DTNB: variants seen among roughly 807,000 people sequenced by gnomAD.
DTNB encodes DTN-B.
Under a neutral mutation model 90.7 loss-of-function variants are expected in DTNB, and 63 were observed. That is an observed-to-expected ratio of 0.69 (90% CI 0.57 to 0.86). The LOEUF (loss-of-function observed/expected upper bound fraction) is 0.86. Among genes scored for constraint, DTNB ranks in the 40% least tolerant of loss-of-function variants. The pLI, the probability that DTNB is intolerant of heterozygous loss-of-function variation, is 0.00. For missense variants in DTNB, 744 were observed against 807.1 expected (o/e 0.92, Z 0.95); for synonymous variants, 277 against 286.7 (o/e 0.97, Z 0.34).
intron 7 of DTNB, among the ~76,000 whole-genome samples, chr2:25,579,527 T>C (rs189343864): frequency 3.3e-5 from 5 of 152,218 alleles, no homozygotes; most frequent in African/African-American, 7.2e-5. Context: ...AGAAACACAA[T>C]GGCCTTCCCC....
chr2:25,433,982 G>A lies in DTNB; in HGVS notation c.1271C>T (p.Thr424Ile). The change falls in exon 13 of 21, where the codon ACT (threonine) becomes ATT (isoleucine). Residue 424 changes from threonine to isoleucine, a missense_variant. Thr to Ile is a moderately conservative substitution (Grantham distance 89). Coordinates refer to ENST00000406818, the MANE Select transcript of DTNB (RefSeq NM_021907.5). ...GGCATCAAAGTTAAAGCTCAAGTCAGTGGGAGGACGAGTCTAAAGTGGGGA... is the reference window on the plus strand; with the variant it reads ...GGCATCAAAGTTAAAGCTCAAGTCAATGGGAGGACGAGTCTAAAGTGGGGA... Reference protein sequence around the residue: ...AEAGNVTRPPTDLSFNFDANK... With the variant: ...AEAGNVTRPPIDLSFNFDANK... 1 of 1,613,322 alleles carries A rather than the reference G, an allele frequency of 6.2e-7. No individual in the cohort carries two copies.
At chr2:25,563,723 T>C (rs1201021080) in intron 8 of DTNB, among the ~76,000 whole-genome samples, 1 of 152,198 alleles carries the variant, frequency 6.6e-6, no homozygotes, top group Admixed American at 6.5e-5. Flanking sequence ...CTTTCCTCCA[T>C]TGGATGGTCA....
At chr2:25,637,807 C>G (rs1273799460) in intron 3 of DTNB, among the ~76,000 whole-genome samples, 1 of 152,162 alleles carries the variant, frequency 6.6e-6, no homozygotes, top group African/African-American at 2.4e-5. Flanking sequence ...GTGGCGATTC[C>G]TCAAGGATCT....
rs758271387 is a variant in DTNB at position 25,609,656 on chromosome 2, G to GTA, written c.363-2337_363-2336dup. Among the ~76,000 whole-genome samples the GTA allele has an allele frequency of 7.7e-3, 282 of 36,770 alleles. 5 individuals carry two copies. The highest frequency in any genetic ancestry group is 0.016 in the Middle Eastern group (1 of 64). 24.1% of individuals were successfully genotyped at this position (36,770 alleles called of 152,430 possible). A position where few individuals can be genotyped will look rare whatever the true frequency, so the allele number is the denominator to read the frequency against. ...TGCATAAACATTTCCATAATAGAATGTACACACACACACACACACACACAC... is the reference window on the plus strand; with the variant it reads ...TGCATAAACATTTCCATAATAGAATGTATACACACACACACACACACACACAC... On this transcript the variant is annotated intron_variant, in intron 4 of 20. Transcript: ENST00000406818.
chr2:25,437,075 A>G (rs1480783380), intron 12 of DTNB, among the ~76,000 whole-genome samples: 1 of 152,134 alleles, frequency 6.6e-6, no homozygotes, highest in Non-Finnish European at 1.5e-5. Context: ...AAGCACTGTA[A>G]TGCAAATATA....
At chr2:25,593,349 T>C (rs543128666) in intron 6 of DTNB, among the ~76,000 whole-genome samples, 1 of 152,294 alleles carries the variant, frequency 6.6e-6, no homozygotes, top group Non-Finnish European at 1.5e-5. Context: ...AGGAAACACA[T>C]ACTGAAGCAA....
chr2:25,396,731 T>TA (rs35592591), intron 16 of DTNB, among the ~76,000 whole-genome samples: 24,080 of 87,566 alleles, frequency 0.27, 3,383 homozygotes, highest in East Asian at 0.59. Context: ...TAAAAGGAAC[T>TA]AAAAAAAAAA....
chr2:25,573,228 G>A (rs2060150420), intron 8 of DTNB, among the ~76,000 whole-genome samples: 1 of 151,978 alleles, frequency 6.6e-6, no homozygotes, highest in Non-Finnish European at 1.5e-5. Context: ...TTACAGGAGT[G>A]AGCCACCATG....
intron 12 of DTNB, among the ~76,000 whole-genome samples, chr2:25,436,398 TATTG>T (rs1042027266): frequency 3.3e-5 from 5 of 152,112 alleles, no homozygotes; most frequent in African/African-American, 9.7e-5. Context: ...GGCTCCCTTT[TATTG>T]ATTAACCAGA....
At chr2:25,491,061 AG>A (rs1460944540) in intron 9 of DTNB, among the ~76,000 whole-genome samples, 2 of 152,024 alleles carry the variant, frequency 1.3e-5, no homozygotes, top group African/African-American at 4.8e-5. Flanking sequence ...AAAAAAAAAA[AG>A]AATCAAATTT....
At chr2:25,629,659 C>T (rs925353745) in intron 3 of DTNB, among the ~76,000 whole-genome samples, 1 of 152,092 alleles carries the variant, frequency 6.6e-6, no homozygotes, top group African/African-American at 2.4e-5. Flanking sequence ...CTTGGAAAAC[C>T]ATATGATCAA....
At chr2:25,572,881 T>C (rs1482980649) in intron 8 of DTNB, among the ~76,000 whole-genome samples, 2 of 152,180 alleles carry the variant, frequency 1.3e-5, no homozygotes, top group Non-Finnish European at 2.9e-5. Flanking sequence ...AGAAGCCACC[T>C]GGAGGCCATA....
intron 8 of DTNB, among the ~76,000 whole-genome samples, chr2:25,575,885 A>G (rs1218633895): frequency 6.6e-6 from 1 of 152,082 alleles, no homozygotes; most frequent in East Asian, 1.9e-4. Flanking sequence ...AGGACTCTGG[A>G]AATAAACTGA....
In DTNB at chr2:25,387,466, C is replaced by T. The variant is rs1179483423; in HGVS notation, c.1736-88G>A. 39 of 1,277,768 alleles carry T rather than the reference C, an allele frequency of 3.1e-5. No individual in the cohort carries two copies. Among genetic ancestry groups the T allele is most frequent in the Admixed American group, 7.6e-5 (4 of 52,342 alleles). 79.2% of individuals were successfully genotyped at this position (1,277,768 alleles called of 1,614,324 possible). On this transcript the variant is annotated intron_variant, in intron 17 of 20. Transcript: ENST00000406818. The surrounding 1 kb of genome is among the most constrained non-coding windows in gnomAD (Gnocchi z 4.5). ...GCAAATGCCTCAGTTCTGCCAGGCC[C>T]GAGAACACAGGTGTGGAACACCTAA... is the stretch of plus-strand genomic sequence containing the variant.
At chr2:25,534,469 G>C (rs558278230) in intron 8 of DTNB, among the ~76,000 whole-genome samples, 2 of 151,440 alleles carry the variant, frequency 1.3e-5, no homozygotes, top group East Asian at 3.9e-4. Context: ...TTTTCTTTTC[G>C]ACAAAACCGC....
intron 1 of DTNB, among the ~76,000 whole-genome samples, chr2:25,662,678 ACAAACAC>A (rs1559430790): frequency 0.026 from 3,246 of 122,694 alleles, 41 homozygotes; most frequent in African/African-American, 0.044. Flanking sequence ...ACACACACAC[ACAAACAC>A]ACACACACAC....
intron 9 of DTNB, among the ~76,000 whole-genome samples, chr2:25,501,144 CTG>C (rs897857863): frequency 6.6e-6 from 1 of 151,992 alleles, no homozygotes; most frequent in Admixed American, 6.5e-5. Context: ...CAAAACAAAA[CTG>C]AATACAGCTA....
intron 9 of DTNB, among the ~76,000 whole-genome samples, chr2:25,530,093 T>C (rs182064476): frequency 3.1e-4 from 47 of 152,244 alleles, no homozygotes; most frequent in African/African-American, 1.1e-3. Context: ...GGTTGGTATG[T>C]AGAGTTAGAG....
At chr2:25,557,483 C>T (rs1208512781) in intron 8 of DTNB, among the ~76,000 whole-genome samples, 1 of 152,200 alleles carries the variant, frequency 6.6e-6, no homozygotes, top group Non-Finnish European at 1.5e-5. Context: ...GGTACAGACA[C>T]ACTAAAAGCA....
Sources: gnomAD v4.1 joint callset for allele counts (sites outside exome capture counted in the v4.1 genomes callset) on GRCh38, gnomAD v4.1.1 for gene constraint, Gnocchi (gnomAD v3.1) non-coding constraint, MANE v1.5 for transcripts, NCBI Gene and HGNC (gene_info 2026-07-23, HGNC 2026-07-21) for gene names.